IGDCC3: variants seen among roughly 807,000 people sequenced by gnomAD.
IGDCC3 encodes the protein putative neuronal cell adhesion molecule.
In IGDCC3, 47 loss-of-function variants were observed where a neutral mutation model predicts 72.0. The ratio of observed to expected loss-of-function variants is 0.65; its 90% CI spans 0.52 to 0.83. The LOEUF (loss-of-function observed/expected upper bound fraction) is 0.83. Ranked by LOEUF, IGDCC3 falls within the 40% of genes least tolerant of loss-of-function variation. The probability of loss-of-function intolerance (pLI) is 0.00; values close to 1 mark genes in which losing one functional copy is unlikely to be tolerated. For missense variants in IGDCC3, 1,038 were observed against 1,091.3 expected, an observed-to-expected ratio of 0.95 and a Z score of 0.69; for synonymous variants, 477 against 472.8, an observed-to-expected ratio of 1.01 and a Z score of -0.11.
chr15:65,336,372 A>G (rs1360269099), intron 2 of IGDCC3, among the ~76,000 whole-genome samples: 2 of 152,076 alleles, frequency 1.3e-5, no homozygotes, highest in Non-Finnish European at 2.9e-5. Context: ...AATTCTCCCT[A>G]AGGCAGGCAA....
chr15:65,372,120 C>T (rs549860324), intron 2 of IGDCC3, among the ~76,000 whole-genome samples: 161 of 152,308 alleles, frequency 1.1e-3, no homozygotes, highest in Middle Eastern at 0.01. Context: ...AAGGCCATGT[C>T]AGTGAAACCA....
chr15:65,332,062 C>G lies in IGDCC3; in HGVS notation c.1027G>C (p.Ala343Pro). 1 of 1,614,138 alleles carries G rather than the reference C, an allele frequency of 6.2e-7. No individual in the cohort carries two copies. Among genetic ancestry groups the G allele is most frequent in the East Asian group, 2.2e-5 (1 of 44,886 alleles). The change falls in exon 7 of 14, where the codon GCT (alanine) becomes CCT (proline). Residue 343 changes from alanine (A) to proline (P), a missense_variant. Transcript: ENST00000327987. The part of the protein sequence containing the change: ...VQHPQSISRP[A>P]GTTAMFTCQA... ...CAGGTGAACATGGCTGTGGTCCCAGCTGGCCTGGAGATGGACTGGGGATGC... is the reference window on the plus strand; with the variant it reads ...CAGGTGAACATGGCTGTGGTCCCAGGTGGCCTGGAGATGGACTGGGGATGC...
intron 4 of IGDCC3, 111 bp from the exon 5 acceptor site, chr15:65,334,976 C>T: frequency 2.3e-6 from 3 of 1,286,696 alleles, no homozygotes; most frequent in Non-Finnish European, 3.1e-6. Context: ...GCCCAGAAAC[C>T]AGGTCCTGTG....
intron 2 of IGDCC3, among the ~76,000 whole-genome samples, chr15:65,370,288 T>C (rs1567072761): frequency 6.6e-6 from 1 of 151,880 alleles, no homozygotes; most frequent in Non-Finnish European, 1.5e-5. Context: ...AGGAAGTGTG[T>C]GGATCACTTG....
In IGDCC3 at chr15:65,331,678, G is replaced by A. The variant is rs1333610463; in HGVS notation, c.1149-19C>T. 2.5e-6 allele frequency: 4 copies of A among 1,572,238 alleles called. No homozygotes were observed. Among genetic ancestry groups the A allele is most frequent in the Middle Eastern group, 1.7e-4 (1 of 5,892 alleles). ...CAGTGTGCTGCAGGGGAGAGAGACA[G>A]CCTCAGGTTCCCTCCTCCCTGGAGG... On this transcript the variant is annotated intron_variant, in intron 7 of 13. Transcript: ENST00000327987.
At position 65,339,416 on chromosome 15, in the gene IGDCC3, C is replaced by A. The variant is rs1033227890; in HGVS notation, c.410-3460G>T. Among the ~76,000 whole-genome samples, 2 of 152,194 alleles carry A rather than the reference C, an allele frequency of 1.3e-5. No individual in the cohort carries two copies. The highest frequency in any genetic ancestry group is 4.8e-5 in the African/African-American group (2 of 41,466). On this transcript the variant is annotated intron_variant, in intron 2 of 13. Transcript: ENST00000327987. The surrounding 1 kb of genome is among the most constrained non-coding windows in gnomAD (Gnocchi z 4.1). ...TTCTTATAGAGACAGGGTCTCCCTA[C>A]GTTGCCCGGACTGGCACAGCATTTT...
At chr15:65,357,134 G>A (rs556015929) in intron 2 of IGDCC3, among the ~76,000 whole-genome samples, 179 of 151,948 alleles carry the variant, frequency 1.2e-3, no homozygotes, top group African/African-American at 4.1e-3. Context: ...TTACGGGTGT[G>A]AGCCACCACA....
intron 2 of IGDCC3, chr15:65,373,655 A>T (rs2091341022): frequency 6.5e-6 from 1 of 152,674 alleles, no homozygotes; most frequent in Admixed American, 6.5e-5. Context: ...GGCTGCCCAG[A>T]TGACAGTCCT....
chr15:65,335,348 C>T lies in IGDCC3; in HGVS notation c.628G>A (p.Val210Met). The stretch of plus-strand genomic sequence containing the variant: ...CGGATACTGGCGATGTTTGAGGCCA[C>T]ACAGTGGAAGATGCCACCGTCCTCA... The part of the protein sequence containing the change: ...RAEDGGIFHC[V>M]ASNIASIRIS... Residue 210 changes from valine to methionine, a missense_variant, in exon 4 of 14, where the codon GTG becomes ATG. Val to Met is a conservative substitution (Grantham distance 21, BLOSUM62 1). Transcript: ENST00000327987. The T allele has an allele frequency of 6.2e-7, 1 of 1,613,830 alleles. No homozygotes were observed. Among genetic ancestry groups the T allele is most frequent in the Non-Finnish European group, 8.5e-7 (1 of 1,179,874 alleles).
At chr15:65,364,035 C>T (rs910759834) in intron 2 of IGDCC3, among the ~76,000 whole-genome samples, 3 of 152,206 alleles carry the variant, frequency 2.0e-5, no homozygotes, top group African/African-American at 7.2e-5. Flanking sequence ...TCCTGCCTGG[C>T]CCACCCAGAA....
chr15:65,374,431 T>C (rs536491454), intron 2 of IGDCC3, among the ~76,000 whole-genome samples: 10 of 152,142 alleles, frequency 6.6e-5, no homozygotes, highest in Non-Finnish European at 8.8e-5. Context: ...ATCACCACAA[T>C]TGACGATCAA....
intron 2 of IGDCC3, 56 bp from the exon 3 acceptor site, chr15:65,336,012 A>G (rs1181620473): frequency 1.9e-6 from 3 of 1,584,588 alleles, no homozygotes; most frequent in Non-Finnish European, 2.6e-6. Context: ...AAGGTAGGAG[A>G]GAATGGGCTG....
chr15:65,333,122 G>A, intron 6 of IGDCC3, 135 bp downstream of exon 6: 1 of 818,486 alleles, frequency 1.2e-6, no homozygotes, highest in Non-Finnish European at 1.8e-6. Context: ...CCTGGCCTGG[G>A]GGCCGGTGAG....
chr15:65,362,846 A>ATTTT (rs869239198), intron 2 of IGDCC3, among the ~76,000 whole-genome samples: 4 of 85,726 alleles, frequency 4.7e-5, no homozygotes, highest in Non-Finnish European at 6.8e-5. Flanking sequence ...AGGTTTGGGG[A>ATTTT]TTTTTTTTTT....
At chr15:65,336,718 G>T (rs1293396783) in intron 2 of IGDCC3, among the ~76,000 whole-genome samples, 1 of 151,960 alleles carries the variant, frequency 6.6e-6, no homozygotes, top group East Asian at 1.9e-4. Flanking sequence ...TTGAACTCTG[G>T]TCTGCAGAGA....
At chr15:65,334,988 G>T in intron 4 of IGDCC3, 123 bp from the exon 5 acceptor site, 3 of 1,174,150 alleles carry the variant, frequency 2.6e-6, no homozygotes, top group African/African-American at 1.5e-5. Flanking sequence ...GGTCCTGTGG[G>T]CAGAGAGATA....
At chr15:65,355,657 C>CT in intron 2 of IGDCC3, 1 of 129,104 alleles carries the variant, frequency 7.7e-6, no homozygotes, top group Admixed American at 9.5e-5. Flanking sequence ...ACGCGGGCGT[C>CT]CCGCCCCCCC....
At position 65,329,137 on chromosome 15, in the gene IGDCC3, T is replaced by G; in HGVS notation, c.2217A>C (p.Ala739=). The G allele has an allele frequency of 6.2e-7, 1 of 1,606,310 alleles. No individual in the cohort carries two copies. Among genetic ancestry groups the G allele is most frequent in the South Asian group, 1.1e-5 (1 of 90,100 alleles). Residue 739 remains alanine (A), a synonymous_variant, in exon 14 of 14, where the codon GCA becomes GCC. Coordinates refer to ENST00000327987, the MANE Select transcript of IGDCC3 (RefSeq NM_004884.4). The surrounding 1 kb of genome is among the most constrained non-coding windows in gnomAD (Gnocchi z 4.1). ...GGGTCTCCTCACACGGAGCGGGGGC[T>G]GCAGGATCCTGCTGGGGAAAGAGCC... ...QPDPRPTQDP[A]APAPCEETQL...
rs1435574224 is a variant in IGDCC3 at position 65,329,506 on chromosome 15, C to G, written c.2089G>C (p.Ala697Pro). The G allele has an allele frequency of 3.1e-6, 5 of 1,607,672 alleles. No individual in the cohort carries two copies. In the Admixed American group the frequency reaches 7.0e-5, roughly 22 times the overall value. Residue 697 changes from alanine (A) to proline (P), a missense_variant, in exon 13 of 14, where the codon GCG becomes CCG. Physicochemically the swap from Ala to Pro is conservative, Grantham distance 27. Coordinates refer to ENST00000327987, the MANE Select transcript of IGDCC3 (RefSeq NM_004884.4). This position sits in a 1 kb window ranked among gnomAD's most constrained non-coding sequence, Gnocchi z 4.1. ...AGCTGGCCCCGCTGTCCCCGTCTCG[C>G]CCCATTTAGGGCTAGAATGCCAGGG... The part of the protein sequence containing the change: ...RDPGILALNG[A>P]RRGQRGQLGR...
Sources: allele counts gnomAD v4.1 joint callset (sites outside exome capture counted in the v4.1 genomes callset), GRCh38; gene constraint gnomAD v4.1.1; non-coding constraint Gnocchi (gnomAD v3.1); transcripts MANE v1.5; gene names NCBI Gene and HGNC (gene_info 2026-07-23, HGNC 2026-07-21).